FLNB: variants seen among roughly 807,000 people sequenced by gnomAD.
The protein encoded by FLNB is filamin B.
FLNB carries 111 observed loss-of-function variants against 250.6 expected under a neutral mutation model. The observed-to-expected ratio is 0.44, with a 90% confidence interval of 0.38 to 0.52. The LOEUF is 0.52. Ranked by LOEUF, FLNB falls within the 20% of genes least tolerant of loss-of-function variation. The probability of loss-of-function intolerance (pLI) is 0.00; values close to 1 mark genes in which losing one functional copy is unlikely to be tolerated. For missense variants in FLNB, 2,869 were observed against 3,447.8 expected (o/e 0.83, Z 4.20); for synonymous variants, 1,302 against 1,372.1 (o/e 0.95, Z 1.13).
At chr3:58,097,299 A>G (rs530815540) in intron 6 of FLNB, among the ~76,000 whole-genome samples, 101 of 152,318 alleles carry the variant, frequency 6.6e-4, no homozygotes, top group African/African-American at 2.4e-3. Context: ...CCAGTCAAGT[A>G]TAGGTTCACA....
chr3:58,096,150 A>AC lies in FLNB; in HGVS notation c.920dup (p.Asp308Ter). On this transcript the variant is annotated frameshift_variant, in exon 6 of 46. Transcript: ENST00000295956. LOFTEE classifies it high-confidence loss of function. ...CCACCTTCCCTCCTAGGCACAAGTGACCCCTGACAGTGACAAGAACAAGAC... is the reference window on the plus strand; with the variant it reads ...CCACCTTCCCTCCTAGGCACAAGTGACCCCCTGACAGTGACAAGAACAAGAC... The AC allele has an allele frequency of 6.2e-7, 1 of 1,613,642 alleles. No individual in the cohort carries two copies. The highest frequency in any genetic ancestry group is 2.2e-5 in the East Asian group (1 of 44,864).
rs139124254 is a variant in FLNB at position 58,112,217 on chromosome 3, G to C, written c.2644G>C (p.Val882Leu). 1.0e-4 allele frequency: 168 copies of C among 1,613,998 alleles called. No individual in the cohort carries two copies. The highest frequency in any genetic ancestry group is 1.3e-4 in the African/African-American group (10 of 74,928). Residue 882 changes from valine to leucine, a missense_variant, in exon 18 of 46, where the codon GTG (valine) becomes CTG (leucine). By Grantham distance (32) the Val-to-Leu change is conservative (BLOSUM62 1). Around this residue, in one of 5 missense-constraint regions of FLNB, gnomAD observed 1,348 missense variants for 1,466.7 expected, o/e 0.92. Coordinates refer to ENST00000295956, the MANE Select transcript of FLNB (RefSeq NM_001457.4). ...GGGGGCTGGGAAAGCCCCGCTCAAC[G>C]TGCAGTTCAACAGCCCTCTTCCTGG... ...TKGAGKAPLN[V>L]QFNSPLPGDA... is the part of the protein sequence containing the mutation.
chr3:58,145,554 C>T (rs1039912235), intron 32 of FLNB, among the ~76,000 whole-genome samples: 1 of 152,176 alleles, frequency 6.6e-6, no homozygotes, highest in African/African-American at 2.4e-5. Flanking sequence ...GGGCAAATGG[C>T]CTTCCAAAAG....
chr3:58,042,234 C>T (rs2097147008), intron 1 of FLNB, among the ~76,000 whole-genome samples: 1 of 152,090 alleles, frequency 6.6e-6, no homozygotes, highest in African/African-American at 2.4e-5. Context: ...TGGACTTGGC[C>T]TCCTCTTTGA....
chr3:58,121,583 C>A, intron 20 of FLNB, 80 bp downstream of exon 20: 1 of 1,560,768 alleles, frequency 6.4e-7, no homozygotes, highest in Non-Finnish European at 8.8e-7. Flanking sequence ...TTCTTCCTGG[C>A]AAAGACCTTC....
chr3:58,040,899 AT>A (rs1035548338), intron 1 of FLNB, among the ~76,000 whole-genome samples: 4 of 151,816 alleles, frequency 2.6e-5, no homozygotes, highest in Non-Finnish European at 5.9e-5. Context: ...TCTTTATTGT[AT>A]TTTTTTTGGA....
intron 1 of FLNB, among the ~76,000 whole-genome samples, chr3:58,036,131 CG>C (rs768346590): frequency 2.0e-5 from 3 of 152,144 alleles, no homozygotes; most frequent in Non-Finnish European, 4.4e-5. Context: ...ATGAGAAGGA[CG>C]TGGACTCAGG....
At chr3:58,163,477 C>A in intron 43 of FLNB, 147 bp downstream of exon 43, 1 of 788,426 alleles carries the variant, frequency 1.3e-6, no homozygotes, top group Non-Finnish European at 2.0e-6. Context: ...GCTTGCTGTC[C>A]AAAGCTGTTT....
At chr3:58,102,111 A>C in intron 8 of FLNB, 92 bp from the exon 9 acceptor site, 1 of 1,482,312 alleles carries the variant, frequency 6.7e-7, no homozygotes, top group South Asian at 1.1e-5. Context: ...CAAAGCAAAT[A>C]TTTTCTTGGC....
At chr3:58,070,752 T>C (rs1338939832) in intron 1 of FLNB, among the ~76,000 whole-genome samples, 1 of 150,960 alleles carries the variant, frequency 6.6e-6, no homozygotes, top group Non-Finnish European at 1.5e-5. Context: ...CTCTGCCTCC[T>C]GGGTTCAGGC....
chr3:58,145,761 G>A (rs759678617), intron 32 of FLNB, among the ~76,000 whole-genome samples, 160 bp from the exon 33 acceptor site: 6 of 152,170 alleles, frequency 3.9e-5, no homozygotes, highest in African/African-American at 9.7e-5. Flanking sequence ...CTAGGATGGC[G>A]GGGGATGGGA....
At chr3:58,115,667 T>G (rs2097276652) in intron 18 of FLNB, among the ~76,000 whole-genome samples, 1 of 152,178 alleles carries the variant, frequency 6.6e-6, no homozygotes, top group Non-Finnish European at 1.5e-5. Context: ...GCTGCCATGC[T>G]GAGTACTCAC....
At chr3:58,020,866 G>A (rs2097112967) in intron 1 of FLNB, among the ~76,000 whole-genome samples, 1 of 151,986 alleles carries the variant, frequency 6.6e-6, no homozygotes, top group African/African-American at 2.4e-5. Context: ...CAGACTTTAA[G>A]ATGAAAGATG....
rs199846967 is a variant in FLNB, at chr3:58,008,573, A to G, written c.9A>G (p.Val3=). 34 of 1,595,660 alleles carry G rather than the reference A, an allele frequency of 2.1e-5. No homozygotes were observed. The East Asian group carries it at 5.5e-4, about 26-fold the overall frequency. ...CTCTCCCCGCCACCAGGATGCCGGT[A>G]ACCGAGAAGGATCTAGCTGAGGACG... The part of the protein sequence containing the change: MP[V]TEKDLAEDAP... The change falls in exon 1 of 46, where the codon GTA becomes GTG. Residue 3 remains valine (V), a synonymous_variant. Transcript: ENST00000295956.
chr3:58,027,955 T>G lies in FLNB; in HGVS notation c.292+19099T>G, dbSNP rs143759864. 3.1e-3 allele frequency among the ~76,000 whole-genome samples: 477 copies of G among 152,334 alleles called. 3 individuals are homozygous for G. Among genetic ancestry groups the G allele is most frequent in the African/African-American group, 0.011 (447 of 41,572 alleles). On this transcript the variant is annotated intron_variant, in intron 1 of 45. Transcript: ENST00000295956. ...TGTTCACAACATGAGGCATACTCTC[T>G]TTTGGTTAAAAAGGGAAATTAGCAA...
chr3:58,100,999 T>C (rs906824492), intron 8 of FLNB, among the ~76,000 whole-genome samples: 1 of 152,140 alleles, frequency 6.6e-6, no homozygotes, highest in Non-Finnish European at 1.5e-5. Flanking sequence ...CCTCCCAAAG[T>C]GCTGGGTTTA....
chr3:58,062,159 C>T lies in FLNB; in HGVS notation c.293-14887C>T, dbSNP rs548239871. Among the ~76,000 whole-genome samples the T allele has an allele frequency of 3.3e-5, 5 of 152,272 alleles. No individual in the cohort carries two copies. In the South Asian group the frequency reaches 8.3e-4, roughly 25 times the overall value. ...AATAAAATGAAAGCCCATCTTCCACCATCAGCTTCTTAGTTTTCTTCCTAG... is the reference window on the plus strand; with the variant it reads ...AATAAAATGAAAGCCCATCTTCCACTATCAGCTTCTTAGTTTTCTTCCTAG... On this transcript the variant is annotated intron_variant, in intron 1 of 45. Transcript: ENST00000295956.
intron 1 of FLNB, among the ~76,000 whole-genome samples, chr3:58,042,431 CCCA>C (rs1559653040): frequency 6.6e-6 from 1 of 151,412 alleles, no homozygotes; most frequent in Non-Finnish European, 1.5e-5. Flanking sequence ...CACTGCAGCC[CCCA>C]CCTTCCTGGG....
chr3:58,110,457 A>AT lies in FLNB; in HGVS notation c.2484+297dup, dbSNP rs146712704. 0.21 allele frequency among the ~76,000 whole-genome samples: 29,304 copies of AT among 142,736 alleles called. 3,673 individuals are homozygous for AT. Among genetic ancestry groups the AT allele is most frequent in the Middle Eastern group, 0.33 (94 of 282 alleles). The allele number at this position is 142,736 out of a possible 152,430, so 93.6% of individuals were successfully genotyped here. A position where few individuals can be genotyped will look rare whatever the true frequency, so the allele number is the denominator to read the frequency against. On this transcript the variant is annotated intron_variant, in intron 16 of 45. Transcript: ENST00000295956. ...TTTTTTAATTTGTTTTTATTTTTTT[A>AT]TTTTTTTTTTGAGATGGAGTTTTGC...
Sources: gnomAD v4.1 joint callset for allele counts (sites outside exome capture counted in the v4.1 genomes callset) on GRCh38, gnomAD v4.1.1 for gene constraint, gnomAD v4.1.1 regional missense constraint, MANE v1.5 for transcripts, NCBI Gene and HGNC (gene_info 2026-07-23, HGNC 2026-07-21) for gene names.